The following PIEZO2 variants were observed in gnomAD, a reference collection of about 807,000 sequenced individuals.
The protein encoded by PIEZO2 is piezo-type mechanosensitive ion channel component 2.
Under a neutral mutation model 337.3 loss-of-function variants are expected in PIEZO2, and 172 were observed. The ratio of observed to expected loss-of-function variants is 0.51; its 90% CI spans 0.45 to 0.58. PIEZO2 has a LOEUF of 0.58. PIEZO2 is among the 20% of genes least tolerant of loss of function. PIEZO2 has a pLI of 0.00. For synonymous variants in PIEZO2, 1,251 were observed against 1,228.5 expected (o/e 1.02, Z -0.38); for missense variants, 3,028 against 3,391.3 (o/e 0.89, Z 2.66).
chr18:10,691,782 C>CACACACACACACACACAT, intron 47 of PIEZO2, among the ~76,000 whole-genome samples: 1 of 96,616 alleles, frequency 1.0e-5, no homozygotes, highest in South Asian at 4.1e-4. Context: ...CACACACACA[C>CACACACACACACACACAT]ATATATATAT....
intron 2 of PIEZO2, among the ~76,000 whole-genome samples, chr18:10,985,787 C>T (rs560140179): frequency 6.6e-6 from 1 of 151,674 alleles, no homozygotes. Flanking sequence ...CATCAAATCA[C>T]AAAATAAGAC....
In PIEZO2 at chr18:10,688,715, A is replaced by AT. The variant is rs796379954; in HGVS notation, c.7497+939dup. On this transcript the variant is annotated intron_variant, in intron 49 of 55. Transcript: ENST00000674853. ...CTACTTTTTCTGCACAGATACCCCT[A>AT]TTTTTTTTCTACTTTAGACCAAACA... 2.3e-3 allele frequency among the ~76,000 whole-genome samples: 356 copies of AT among 151,876 alleles called. 1 individual carries two copies. The highest frequency in any genetic ancestry group is 8.1e-3 in the African/African-American group (334 of 41,410).
chr18:10,926,606 T>C (rs2031755767), intron 3 of PIEZO2, among the ~76,000 whole-genome samples: 1 of 152,082 alleles, frequency 6.6e-6, no homozygotes, highest in African/African-American at 2.4e-5. Context: ...ATTTTTTCCT[T>C]TTAGTACTCA....
intron 12 of PIEZO2, among the ~76,000 whole-genome samples, chr18:10,796,136 G>A (rs191293249): frequency 1.9e-4 from 29 of 152,034 alleles, no homozygotes; most frequent in African/African-American, 6.5e-4. Flanking sequence ...AGGCCGAGGC[G>A]GGCGGATCAT....
Position 10,945,878 on chromosome 18 carries a change from C to T in PIEZO2, c.286+33657G>A, listed in dbSNP as rs2032994028. ...ACTATAATGCCTGAAATTGAAAACA[C>T]ACTGAATGGGGATTAAAAGCAGATT... On this transcript the variant is annotated intron_variant, in intron 3 of 55. Coordinates refer to ENST00000674853, the MANE Select transcript of PIEZO2 (RefSeq NM_001378183.1). This position sits in a 1 kb window ranked among gnomAD's most constrained non-coding sequence, Gnocchi z 4.0. Among the ~76,000 whole-genome samples the T allele has an allele frequency of 1.3e-5, 2 of 152,088 alleles. No homozygotes were observed. The highest frequency in any genetic ancestry group is 2.4e-5 in the African/African-American group (1 of 41,426).
At chr18:11,011,877 A>G (rs1346048770) in intron 2 of PIEZO2, among the ~76,000 whole-genome samples, 2 of 152,184 alleles carry the variant, frequency 1.3e-5, no homozygotes, top group Non-Finnish European at 2.9e-5. Flanking sequence ...GTACTTTGGG[A>G]GGCCAAGGTG....
intron 33 of PIEZO2, 61 bp from the exon 34 acceptor site, chr18:10,736,771 TTAA>T (rs1434977008): frequency 1.3e-6 from 2 of 1,493,694 alleles, no homozygotes; most frequent in Non-Finnish European, 1.8e-6. Context: ...TGGGGGCTTA[TTAA>T]TGAAATGTCC....
At chr18:10,752,528 G>C in intron 28 of PIEZO2, 108 bp downstream of exon 28, 1 of 1,290,262 alleles carries the variant, frequency 7.8e-7, no homozygotes, top group Admixed American at 2.4e-5. Flanking sequence ...TCTTATTGGG[G>C]CTTTTAAGAG....
chr18:11,104,166 G>A lies in PIEZO2; in HGVS notation c.65-37944C>T, dbSNP rs75620965. ...ACATATGTCTAGTACCAAAGTATGA[G>A]ACGGACCCTGCAAATGCATAATGCA... On this transcript the variant is annotated intron_variant, in intron 1 of 55. Coordinates refer to ENST00000674853, the MANE Select transcript of PIEZO2 (RefSeq NM_001378183.1). The surrounding 1 kb of genome is among the most constrained non-coding windows in gnomAD (Gnocchi z 4.6). Among the ~76,000 whole-genome samples, 1,122 of 152,278 alleles carry A rather than the reference G, an allele frequency of 7.4e-3. 9 individuals are homozygous for A. Among genetic ancestry groups the A allele is most frequent in the Admixed American group, 0.012 (190 of 15,298 alleles).
chr18:10,763,261 T>G (rs2038217246), intron 21 of PIEZO2, 163 bp from the exon 22 acceptor site: 1 of 688,256 alleles, frequency 1.5e-6, no homozygotes, highest in African/African-American at 1.8e-5. Context: ...CTAAAGTAGG[T>G]GAGTTATGGT....
At chr18:11,124,483 G>A (rs1455669344) in intron 1 of PIEZO2, among the ~76,000 whole-genome samples, 3 of 152,188 alleles carry the variant, frequency 2.0e-5, no homozygotes, top group African/African-American at 7.2e-5. Flanking sequence ...ATGCATTCAT[G>A]CACAAATCTC....
intron 2 of PIEZO2, among the ~76,000 whole-genome samples, chr18:11,008,134 A>G (rs1430691903): frequency 6.6e-6 from 1 of 152,132 alleles, no homozygotes; most frequent in Non-Finnish European, 1.5e-5. Context: ...TTTCCCATCA[A>G]TCACTTGGTG....
At chr18:10,735,750 T>A (rs11873643) in intron 34 of PIEZO2, among the ~76,000 whole-genome samples, 126,855 of 152,152 alleles carry the variant, frequency 0.83, 53,362 homozygotes, top group African/African-American at 0.95. Flanking sequence ...TCAGTTTTTC[T>A]ATGTCACTGG....
At chr18:11,036,638 C>G (rs2036931612) in intron 2 of PIEZO2, among the ~76,000 whole-genome samples, 1 of 151,780 alleles carries the variant, frequency 6.6e-6, no homozygotes, top group African/African-American at 2.4e-5. Flanking sequence ...CTCTGACAGA[C>G]TTTTGCAGGC....
chr18:10,687,025 C>T (rs181630286), intron 49 of PIEZO2, among the ~76,000 whole-genome samples: 25 of 152,310 alleles, frequency 1.6e-4, no homozygotes, highest in African/African-American at 5.8e-4. Context: ...CTGTTTCAGA[C>T]CTACGCCCTA....
chr18:10,797,658 A>G, intron 11 of PIEZO2, 136 bp from the exon 12 acceptor site: 4 of 1,370,358 alleles, frequency 2.9e-6, no homozygotes, highest in Non-Finnish European at 3.8e-6. Context: ...CCCATTCATA[A>G]AGCCCTTAAA....
In PIEZO2 at chr18:11,027,750, T is replaced by G. The variant is rs938733576; in HGVS notation, c.160+38377A>C. Among the ~76,000 whole-genome samples the G allele has an allele frequency of 8.5e-5, 13 of 152,234 alleles. No homozygotes were observed. The highest frequency in any genetic ancestry group is 3.1e-4 in the African/African-American group (13 of 41,464). On this transcript the variant is annotated intron_variant, in intron 2 of 55. Transcript: ENST00000674853. This position sits in a 1 kb window ranked among gnomAD's most constrained non-coding sequence, Gnocchi z 4.2. ...GCATTAACTGAAAATAGCCATTCAC[T>G]CTAACTCCAGGATTCATAGTGATCT...
rs2042172262 is a variant in PIEZO2, at chr18:10,872,883, GTC to G, written c.330-1470_330-1469del. ...GAGGATACAGGTAGAGGAGTCAAGA[GTC>G]TGTACCAGCATTAAAACTTCTGGGG... On this transcript the variant is annotated intron_variant, in intron 4 of 55. Transcript: ENST00000674853. This position sits in a 1 kb window ranked among gnomAD's most constrained non-coding sequence, Gnocchi z 4.3. 6.6e-6 allele frequency among the ~76,000 whole-genome samples: 1 copy of G among 152,142 alleles called. No individual in the cohort carries two copies. The highest frequency in any genetic ancestry group is 2.4e-5 in the African/African-American group (1 of 41,430).
In PIEZO2 at chr18:10,952,745, T is replaced by G. The variant is rs1230263598; in HGVS notation, c.286+26790A>C. 6.6e-6 allele frequency among the ~76,000 whole-genome samples: 1 copy of G among 152,226 alleles called. No individual in the cohort carries two copies. Among genetic ancestry groups the G allele is most frequent in the Non-Finnish European group, 1.5e-5 (1 of 68,044 alleles). Reference sequence around the variant, plus strand: ...CTGAATAGTAAGTATATGGTCAAATTTATAATATGTTGGAAGATTATTTTT... The same window carrying G: ...CTGAATAGTAAGTATATGGTCAAATGTATAATATGTTGGAAGATTATTTTT... On this transcript the variant is annotated intron_variant, in intron 3 of 55. Coordinates refer to ENST00000674853, the MANE Select transcript of PIEZO2 (RefSeq NM_001378183.1). This position sits in a 1 kb window ranked among gnomAD's most constrained non-coding sequence, Gnocchi z 4.1.
Sources: allele counts gnomAD v4.1 joint callset (sites outside exome capture counted in the v4.1 genomes callset), GRCh38; gene constraint gnomAD v4.1.1; non-coding constraint Gnocchi (gnomAD v3.1); transcripts MANE v1.5; gene names NCBI Gene and HGNC (gene_info 2026-07-23, HGNC 2026-07-21).